The following SEC23A variants were observed in gnomAD, a reference collection of about 807,000 sequenced individuals.
SEC23A encodes SEC23 homolog A, COPII component.
In SEC23A, 56 loss-of-function variants were observed where a neutral mutation model predicts 103.7. That is an observed-to-expected ratio of 0.54 (90% CI 0.44 to 0.67). SEC23A has a LOEUF of 0.67. SEC23A is among the 30% of genes least tolerant of loss of function. The probability of loss-of-function intolerance (pLI) is 0.00; values close to 1 mark genes in which losing one functional copy is unlikely to be tolerated. For synonymous variants in SEC23A, 281 were observed against 293.0 expected (o/e 0.96, Z 0.42); for missense variants, 784 against 936.4 (o/e 0.84, Z 2.12).
chr14:39,101,188 C>T (rs1265272743), intron 1 of SEC23A, among the ~76,000 whole-genome samples: 8 of 152,002 alleles, frequency 5.3e-5, no homozygotes, highest in Admixed American at 2.0e-4. Flanking sequence ...ACACAAAAGA[C>T]TATTACAAAG....
At chr14:39,051,999 C>T (rs1886079315) in intron 14 of SEC23A, among the ~76,000 whole-genome samples, 1 of 151,564 alleles carries the variant, frequency 6.6e-6, no homozygotes, top group Admixed American at 6.6e-5. Flanking sequence ...AGATCATGTC[C>T]TTTGCAGGGA....
At position 39,074,548 on chromosome 14, in the gene SEC23A, A is replaced by C; in HGVS notation, c.988-18T>G. ...TCAAAATGCTACAAAAGATTTTCTT[A>C]ATTAAAATAATATACAAAATTGTCC... On this transcript the variant is annotated intron_variant, in intron 8 of 19. Transcript: ENST00000307712. 1 of 1,459,228 alleles carries C rather than the reference A, an allele frequency of 6.9e-7. No individual in the cohort carries two copies. Among genetic ancestry groups the C allele is most frequent in the Non-Finnish European group, 9.6e-7 (1 of 1,042,794 alleles). The allele number at this position is 1,459,228 out of a possible 1,614,324, so 90.4% of individuals were successfully genotyped here. A position where few individuals can be genotyped will look rare whatever the true frequency, so the allele number is the denominator to read the frequency against.
At chr14:39,055,002 C>G in intron 14 of SEC23A, 141 bp downstream of exon 14, 2 of 908,060 alleles carry the variant, frequency 2.2e-6, no homozygotes, top group Non-Finnish European at 3.4e-6. Flanking sequence ...TACTGTGCTA[C>G]TGTCTCAGTA....
chr14:39,095,780 C>A (rs948484271), intron 2 of SEC23A, 118 bp downstream of exon 2: 59 of 811,034 alleles, frequency 7.3e-5, no homozygotes, highest in Non-Finnish European at 1.0e-4. Flanking sequence ...TTTTGACTGT[C>A]CTAATTTGAA....
chr14:39,066,499 C>A (rs1390258863), intron 10 of SEC23A, among the ~76,000 whole-genome samples: 14 of 140,722 alleles, frequency 9.9e-5, no homozygotes, highest in African/African-American at 3.6e-4. Context: ...TTAAAAAAAA[C>A]AGTTTCCTCT....
rs1887721761 is a variant in SEC23A, at chr14:39,093,177, GT to G, written c.279+9del. 6.2e-7 allele frequency: 1 copy of G among 1,611,390 alleles called. No individual in the cohort carries two copies. Among genetic ancestry groups the G allele is most frequent in the African/African-American group, 1.3e-5 (1 of 74,908 alleles). ...CCACTGCGCCCGGCATGCAATGGAT[GT>G]TTTCTTACCTGATTCCTTTGGTAAC... On this transcript the variant is annotated intron_variant, in intron 3 of 19. Coordinates refer to ENST00000307712, the MANE Select transcript of SEC23A (RefSeq NM_006364.4).
intron 2 of SEC23A, among the ~76,000 whole-genome samples, chr14:39,094,426 ATATATATATATATATATT>A (rs1478109729): frequency 0.011 from 552 of 49,676 alleles, 89 homozygotes; most frequent in Non-Finnish European, 0.013. Flanking sequence ...ATATATATAT[ATATATATATATATATATT>A]TTTTTTTTTT....
At chr14:39,061,273 C>T (rs975734633) in intron 13 of SEC23A, among the ~76,000 whole-genome samples, 10 of 151,972 alleles carry the variant, frequency 6.6e-5, no homozygotes, top group Admixed American at 4.6e-4. Context: ...AGGCTAAGTA[C>T]GTTCACGGCT....
chr14:39,045,533 TAAGA>T (rs1269768437), intron 15 of SEC23A, among the ~76,000 whole-genome samples: 1 of 151,748 alleles, frequency 6.6e-6, no homozygotes, highest in Admixed American at 6.6e-5. Context: ...AAAAAAAATT[TAAGA>T]AAGAAAAAAA....
intron 9 of SEC23A, among the ~76,000 whole-genome samples, chr14:39,071,082 A>G (rs751561582): frequency 2.0e-5 from 3 of 152,092 alleles, no homozygotes; most frequent in Non-Finnish European, 4.4e-5. Context: ...AGAACAACAC[A>G]AGGATATTCA....
At chr14:39,085,687 TATACACACACACACACACACAC>T in intron 7 of SEC23A, 53 bp downstream of exon 7, 1 of 1,177,764 alleles carries the variant, frequency 8.5e-7, no homozygotes, top group Non-Finnish European at 1.2e-6. Flanking sequence ...TATAATTATA[TATACACACACACACACACACAC>T]ACACACACAC....
At chr14:39,078,892 T>A (rs1819964605) in intron 7 of SEC23A, among the ~76,000 whole-genome samples, 1 of 151,840 alleles carries the variant, frequency 6.6e-6, no homozygotes. Context: ...AGAAATAAAT[T>A]AAGCTGAAGA....
chr14:39,050,930 T>C (rs1886036692), intron 14 of SEC23A, among the ~76,000 whole-genome samples: 1 of 152,240 alleles, frequency 6.6e-6, no homozygotes, highest in South Asian at 2.1e-4. Context: ...TCTTATGTGA[T>C]AAATGACTTA....
chr14:39,053,807 C>T (rs1886150124), intron 14 of SEC23A, among the ~76,000 whole-genome samples: 1 of 152,046 alleles, frequency 6.6e-6, no homozygotes, highest in Admixed American at 6.6e-5. Context: ...AAGAATAAGC[C>T]AGAGGTTGCT....
At chr14:39,093,887 A>G (rs1887750415) in intron 2 of SEC23A, among the ~76,000 whole-genome samples, 1 of 152,160 alleles carries the variant, frequency 6.6e-6, no homozygotes, top group Non-Finnish European at 1.5e-5. Flanking sequence ...GGTCAAAAAT[A>G]TATTTACTGA....
chr14:39,040,945 G>A, intron 17 of SEC23A, 58 bp from the exon 18 acceptor site: 2 of 1,529,058 alleles, frequency 1.3e-6, no homozygotes, highest in Non-Finnish European at 1.8e-6. Context: ...CAAAAATCTT[G>A]AGATTTTTCC....
At chr14:39,044,846 T>C (rs1885774990) in intron 16 of SEC23A, among the ~76,000 whole-genome samples, 1 of 152,194 alleles carries the variant, frequency 6.6e-6, no homozygotes, top group East Asian at 1.9e-4. Flanking sequence ...CTTCTGGACA[T>C]TGTTAAAGAC....
intron 7 of SEC23A, among the ~76,000 whole-genome samples, chr14:39,083,559 C>CTTTATTTTTT (rs531280423): frequency 2.0e-4 from 7 of 35,258 alleles, no homozygotes; most frequent in African/African-American, 5.6e-4. Context: ...GCAAAATAAA[C>CTTTATTTTTT]TTTCTTTTTT....
chr14:39,046,475 A>AAAAT (rs1594439896), intron 15 of SEC23A, among the ~76,000 whole-genome samples: 2 of 152,084 alleles, frequency 1.3e-5, no homozygotes, highest in Admixed American at 1.3e-4. Context: ...CTCTGTCTCA[A>AAAAT]AAATAAATAA....
Sources: allele counts gnomAD v4.1 joint callset (sites outside exome capture counted in the v4.1 genomes callset), GRCh38; gene constraint gnomAD v4.1.1; transcripts MANE v1.5; gene names NCBI Gene and HGNC (gene_info 2026-07-23, HGNC 2026-07-21).